AKAP6: variants seen among roughly 807,000 people sequenced by gnomAD.
AKAP6 encodes A-kinase anchoring protein 6.
In AKAP6, 58 loss-of-function variants were observed where a neutral mutation model predicts 188.5. The observed-to-expected ratio is 0.31, with a 90% confidence interval of 0.25 to 0.38. AKAP6 has a LOEUF of 0.38. Among genes scored for constraint, AKAP6 ranks in the 10% least tolerant of loss-of-function variants. The pLI, the probability that AKAP6 is intolerant of heterozygous loss-of-function variation, is 1.00. For missense variants in AKAP6, 2,710 were observed against 2,740.0 expected, an observed-to-expected ratio of 0.99 and a Z score of 0.24; for synonymous variants, 989 against 998.6, an observed-to-expected ratio of 0.99 and a Z score of 0.18.
rs1176876339 is a variant in AKAP6, at chr14:32,337,749, T to A, written c.-35+8341T>A. 5.9e-5 allele frequency among the ~76,000 whole-genome samples: 8 copies of A among 134,620 alleles called. No homozygotes were observed. The Admixed American group carries it at 6.1e-4, about 10-fold the overall frequency. The allele number at this position is 134,620 out of a possible 152,430, so 88.3% of individuals were successfully genotyped here. The stretch of plus-strand genomic sequence containing the variant: ...CCCCCCACCCCACAACAGTCCCTGG[T>A]GTGTGATGTTCCCCTTCCTGGATAA... On this transcript the variant is annotated intron_variant, in intron 1 of 13. Transcript: ENST00000280979.
chr14:32,708,494 G>A (rs1329054266), intron 9 of AKAP6, among the ~76,000 whole-genome samples: 1 of 151,886 alleles, frequency 6.6e-6, no homozygotes, highest in African/African-American at 2.4e-5. Flanking sequence ...TTCAGAATAT[G>A]GAAATTTAAA....
intron 7 of AKAP6, among the ~76,000 whole-genome samples, chr14:32,663,205 A>G (rs1888777933): frequency 6.6e-6 from 1 of 152,124 alleles, no homozygotes; most frequent in Non-Finnish European, 1.5e-5. Flanking sequence ...TTAGTCAAGG[A>G]ATGCTTCTTT....
At chr14:32,561,124 T>G (rs1229230192) in intron 4 of AKAP6, among the ~76,000 whole-genome samples, 1 of 152,226 alleles carries the variant, frequency 6.6e-6, no homozygotes, top group East Asian at 1.9e-4. Flanking sequence ...GCTTACTGTA[T>G]AAGTCTTCTA....
intron 1 of AKAP6, among the ~76,000 whole-genome samples, chr14:32,420,935 G>GTGTGTA (rs1331438387): frequency 4.6e-5 from 7 of 151,574 alleles, no homozygotes; most frequent in African/African-American, 1.7e-4. Flanking sequence ...GTGTGTGTGT[G>GTGTGTA]TTTGTGTGTC....
At chr14:32,340,466 G>A (rs903713190) in intron 1 of AKAP6, among the ~76,000 whole-genome samples, 1 of 152,090 alleles carries the variant, frequency 6.6e-6, no homozygotes, top group Admixed American at 6.5e-5. Context: ...TTCCTCCACA[G>A]TAAAACAAAA....
chr14:32,336,494 A>G (rs1007243237), intron 1 of AKAP6, among the ~76,000 whole-genome samples: 1 of 152,194 alleles, frequency 6.6e-6, no homozygotes, highest in African/African-American at 2.4e-5. Flanking sequence ...CAAACATTTT[A>G]CAAATAACGA....
chr14:32,724,800 A>C (rs1271637018), intron 9 of AKAP6, among the ~76,000 whole-genome samples: 1 of 151,954 alleles, frequency 6.6e-6, no homozygotes, highest in Non-Finnish European at 1.5e-5. Context: ...AGCACACGGG[A>C]TATTTCTTCC....
chr14:32,801,178 G>A (rs1419308404), intron 12 of AKAP6, among the ~76,000 whole-genome samples: 6 of 152,076 alleles, frequency 3.9e-5, no homozygotes, highest in Non-Finnish European at 8.8e-5. Flanking sequence ...TATCACATTA[G>A]TAACTATGTT....
intron 2 of AKAP6, among the ~76,000 whole-genome samples, chr14:32,514,802 T>TA (rs1881434417): frequency 6.6e-6 from 1 of 152,062 alleles, no homozygotes; most frequent in Non-Finnish European, 1.5e-5. Flanking sequence ...TGGGAAAGGA[T>TA]AAGTAGGAGG....
intron 2 of AKAP6, among the ~76,000 whole-genome samples, chr14:32,512,068 A>C (rs1007505590): frequency 6.6e-6 from 1 of 152,116 alleles, no homozygotes; most frequent in Admixed American, 6.6e-5. Context: ...AGACATTTGG[A>C]TTTTCACTAG....
chr14:32,545,083 A>G, intron 3 of AKAP6, 147 bp from the exon 4 acceptor site: 2 of 700,466 alleles, frequency 2.9e-6, no homozygotes, highest in Non-Finnish European at 4.8e-6. Flanking sequence ...TAATTGATTA[A>G]TATCCCTTTG....
At chr14:32,620,548 C>A (rs1886775067) in intron 7 of AKAP6, among the ~76,000 whole-genome samples, 1 of 151,974 alleles carries the variant, frequency 6.6e-6, no homozygotes, top group African/African-American at 2.4e-5. Flanking sequence ...TTTTGATGTG[C>A]TGTTGGGTTC....
intron 2 of AKAP6, among the ~76,000 whole-genome samples, chr14:32,448,910 T>C (rs1890843186): frequency 6.6e-6 from 1 of 152,226 alleles, no homozygotes; most frequent in Non-Finnish European, 1.5e-5. Context: ...AGGGAGATAT[T>C]AGCAATGCAT....
chr14:32,585,344 C>T (rs1004155687), intron 5 of AKAP6, among the ~76,000 whole-genome samples: 4 of 152,188 alleles, frequency 2.6e-5, no homozygotes, highest in Non-Finnish European at 5.9e-5. Flanking sequence ...CTGGCTTAAA[C>T]TTAGGAAGTA....
intron 1 of AKAP6, among the ~76,000 whole-genome samples, chr14:32,369,973 G>C (rs1261114826): frequency 6.6e-6 from 1 of 152,234 alleles, no homozygotes; most frequent in African/African-American, 2.4e-5. Context: ...GGAGGTTGCA[G>C]TGAGCTGAGA....
chr14:32,598,058 G>T (rs1485417866), intron 5 of AKAP6, among the ~76,000 whole-genome samples: 2 of 152,128 alleles, frequency 1.3e-5, no homozygotes, highest in African/African-American at 2.4e-5. Flanking sequence ...CTATTGCCCA[G>T]CACAGTGTAT....
intron 12 of AKAP6, among the ~76,000 whole-genome samples, chr14:32,805,335 T>C (rs1282197491): frequency 6.6e-6 from 1 of 152,220 alleles, no homozygotes; most frequent in Non-Finnish European, 1.5e-5. Flanking sequence ...CCTCTAGTTA[T>C]ACTTATCTTA....
chr14:32,763,674 A>G (rs980576375), intron 11 of AKAP6, among the ~76,000 whole-genome samples: 4 of 152,158 alleles, frequency 2.6e-5, no homozygotes, highest in African/African-American at 9.6e-5. Flanking sequence ...AAATGATTGC[A>G]TGTTGTGCCA....
chr14:32,617,905 G>C (rs1466569469), intron 7 of AKAP6, among the ~76,000 whole-genome samples: 1 of 152,160 alleles, frequency 6.6e-6, no homozygotes, highest in Non-Finnish European at 1.5e-5. Flanking sequence ...AGGATTACAG[G>C]CATGAGCCAC....
Sources: gnomAD v4.1 joint callset for allele counts (sites outside exome capture counted in the v4.1 genomes callset) on GRCh38, gnomAD v4.1.1 for gene constraint, MANE v1.5 for transcripts, NCBI Gene and HGNC (gene_info 2026-07-23, HGNC 2026-07-21) for gene names.